Variants in MIPOL1 observed in about 807,000 individuals in gnomAD.
MIPOL1 encodes the protein mirror-image polydactyly 1.
A neutral mutation model predicts 60.9 loss-of-function variants in MIPOL1; 57 were observed. That is an observed-to-expected ratio of 0.94 (90% CI 0.76 to 1.17). The LOEUF is 1.17. MIPOL1 is among the 50% of genes most tolerant of loss of function. MIPOL1 has a pLI of 0.00. For missense variants in MIPOL1, 551 were observed against 511.6 expected (o/e 1.08, Z -0.74); for synonymous variants, 179 against 168.8 (o/e 1.06, Z -0.47).
intron 11 of MIPOL1, among the ~76,000 whole-genome samples, chr14:37,487,177 G>A (rs1476968226): frequency 6.6e-6 from 1 of 152,090 alleles, no homozygotes; most frequent in African/African-American, 2.4e-5. Flanking sequence ...GCATCCCAGG[G>A]ATGAAGCCGA....
At chr14:37,441,290 C>G (rs1032889790) in intron 11 of MIPOL1, among the ~76,000 whole-genome samples, 6 of 152,056 alleles carry the variant, frequency 3.9e-5, no homozygotes, top group African/African-American at 1.2e-4. Flanking sequence ...CTTTTGAGAT[C>G]TTAGTCATGA....
chr14:37,205,099 T>G (rs1343891331), intron 1 of MIPOL1, among the ~76,000 whole-genome samples: 1 of 151,988 alleles, frequency 6.6e-6, no homozygotes, highest in Non-Finnish European at 1.5e-5. Context: ...TCTGATGGAA[T>G]AAGTTTTTTG....
Position 37,452,630 on chromosome 14 carries a change from T to G in MIPOL1, c.1031+29681T>G, listed in dbSNP as rs147880387. On this transcript the variant is annotated intron_variant, in intron 11 of 12. Coordinates refer to ENST00000684589, the MANE Select transcript of MIPOL1 (RefSeq NM_001388067.1). ...TCAGGTTTAGCCAGCTGAAAACTGT[T>G]CTCATAGTTGTTATCTTTATTGTCA... 4.9e-3 allele frequency among the ~76,000 whole-genome samples: 753 copies of G among 152,326 alleles called. 9 individuals are homozygous for G. The highest frequency in any genetic ancestry group is 0.017 in the African/African-American group (721 of 41,570).
In MIPOL1 at chr14:37,198,056, C is replaced by G. The variant is rs919888179; in HGVS notation, c.-247C>G. The G allele has an allele frequency of 2.0e-5, 3 of 152,420 alleles. No individual in the cohort carries two copies. Among genetic ancestry groups the G allele is most frequent in the Admixed American group, 2.0e-4 (3 of 15,302 alleles). The allele number at this position is 152,420 out of a possible 1,614,324, so 9.4% of individuals were successfully genotyped here. The stretch of plus-strand genomic sequence containing the variant: ...GGCTGCGCACTCGGCCTGAGAAACT[C>G]GGCAAGCGCGCAGTGTCGACTCCCC... On this transcript the variant is annotated 5_prime_UTR_variant, in exon 1 of 13. Coordinates refer to ENST00000684589, the MANE Select transcript of MIPOL1 (RefSeq NM_001388067.1).
chr14:37,244,970 C>T (rs1972959271), intron 1 of MIPOL1, among the ~76,000 whole-genome samples: 1 of 151,970 alleles, frequency 6.6e-6, no homozygotes, highest in African/African-American at 2.4e-5. Context: ...GCAAATGTGC[C>T]ACTAAATCTG....
chr14:37,327,915 A>T (rs1192637700), intron 9 of MIPOL1, among the ~76,000 whole-genome samples: 1 of 152,208 alleles, frequency 6.6e-6, no homozygotes, highest in Non-Finnish European at 1.5e-5. Flanking sequence ...CATTGTTTGA[A>T]GGTAAATTTC....
chr14:37,339,314 G>A (rs2224156), intron 9 of MIPOL1, among the ~76,000 whole-genome samples: 11,031 of 152,240 alleles, frequency 0.072, 1,355 homozygotes, highest in African/African-American at 0.25. Context: ...GCAAACATTG[G>A]TAAGGATATG....
chr14:37,486,759 C>T (rs1566695807), intron 11 of MIPOL1, among the ~76,000 whole-genome samples: 1 of 152,190 alleles, frequency 6.6e-6, no homozygotes, highest in Non-Finnish European at 1.5e-5. Context: ...AATATACAAT[C>T]ATGTCATCTG....
chr14:37,319,046 G>A (rs764481850), intron 9 of MIPOL1, among the ~76,000 whole-genome samples: 1 of 151,980 alleles, frequency 6.6e-6, no homozygotes, highest in Non-Finnish European at 1.5e-5. Flanking sequence ...TCACCATGTT[G>A]CCCAGGCTGG....
chr14:37,275,079 T>C (rs1270839968), intron 6 of MIPOL1, among the ~76,000 whole-genome samples: 2 of 151,168 alleles, frequency 1.3e-5, no homozygotes, highest in Non-Finnish European at 3.0e-5. Flanking sequence ...TTTTTAGAAT[T>C]AACCTTATTT....
intron 11 of MIPOL1, among the ~76,000 whole-genome samples, chr14:37,478,827 G>A (rs1204384385): frequency 6.6e-6 from 1 of 151,936 alleles, no homozygotes; most frequent in South Asian, 2.1e-4. Context: ...ATAGAGGAGA[G>A]GGTTTATCAA....
intron 9 of MIPOL1, among the ~76,000 whole-genome samples, chr14:37,364,309 A>G (rs1471609998): frequency 2.0e-5 from 3 of 152,204 alleles, no homozygotes; most frequent in Admixed American, 6.5e-5. Flanking sequence ...GCTTAGACCA[A>G]TGTCCTAGAG....
At position 37,426,163 on chromosome 14, in the gene MIPOL1, G is replaced by A. The variant is rs8005132; in HGVS notation, c.1031+3214G>A. On this transcript the variant is annotated intron_variant, in intron 11 of 12. Transcript: ENST00000684589. ...GAGGTAGGAAGGGATGGAATTTAGA[G>A]TATCTGCAGAAAAGTTCACCTTGAA... 9.9e-3 allele frequency among the ~76,000 whole-genome samples: 1,503 copies of A among 152,210 alleles called. 11 individuals are homozygous for A. The highest frequency in any genetic ancestry group is 0.017 in the African/African-American group (688 of 41,548).
chr14:37,461,275 G>A (rs1056148027), intron 11 of MIPOL1, among the ~76,000 whole-genome samples: 3 of 152,190 alleles, frequency 2.0e-5, no homozygotes, highest in Non-Finnish European at 4.4e-5. Flanking sequence ...AAGGCAAGGA[G>A]GAGCAAGTCA....
At chr14:37,310,590 C>T (rs1291177425) in intron 9 of MIPOL1, among the ~76,000 whole-genome samples, 13 of 152,118 alleles carry the variant, frequency 8.5e-5, no homozygotes, top group East Asian at 1.9e-4. Flanking sequence ...ACAAGGTGAT[C>T]GCTTAACCAC....
At chr14:37,534,872 C>G (rs945928208) in intron 12 of MIPOL1, among the ~76,000 whole-genome samples, 2 of 152,004 alleles carry the variant, frequency 1.3e-5, no homozygotes, top group African/African-American at 4.8e-5. Flanking sequence ...CTTACAAAGC[C>G]TTAATTAAGC....
At chr14:37,405,881 A>C (rs1286979589) in intron 10 of MIPOL1, among the ~76,000 whole-genome samples, 3 of 148,794 alleles carry the variant, frequency 2.0e-5, no homozygotes, top group Non-Finnish European at 3.0e-5. Flanking sequence ...ATTGATTAAA[A>C]TATTTTCCTT....
At chr14:37,357,040 G>C (rs2091896198) in intron 9 of MIPOL1, among the ~76,000 whole-genome samples, 1 of 152,064 alleles carries the variant, frequency 6.6e-6, no homozygotes, top group Non-Finnish European at 1.5e-5. Flanking sequence ...CCAAATATTG[G>C]CTATTGTGAA....
intron 9 of MIPOL1, among the ~76,000 whole-genome samples, chr14:37,316,557 C>T (rs1446021235): frequency 1.3e-5 from 2 of 148,330 alleles, no homozygotes; most frequent in African/African-American, 5.0e-5. Flanking sequence ...GAAAAATTGG[C>T]ATTAGATGGA....
Sources: allele counts gnomAD v4.1 joint callset (sites outside exome capture counted in the v4.1 genomes callset), GRCh38; gene constraint gnomAD v4.1.1; transcripts MANE v1.5; gene names NCBI Gene and HGNC (gene_info 2026-07-23, HGNC 2026-07-21).